The following ME3 variants were observed in gnomAD, a reference collection of about 807,000 sequenced individuals.
ME3 encodes malic enzyme 3.
Under a neutral mutation model 68.9 loss-of-function variants are expected in ME3, and 48 were observed. That is an observed-to-expected ratio of 0.70 (90% CI 0.55 to 0.89). The LOEUF (loss-of-function observed/expected upper bound fraction) is 0.89. Among genes scored for constraint, ME3 ranks in the 40% least tolerant of loss-of-function variants. The pLI, the probability that ME3 is intolerant of heterozygous loss-of-function variation, is 0.00. For synonymous variants in ME3, 320 were observed against 318.8 expected, an observed-to-expected ratio of 1.00 and a Z score of -0.04; for missense variants, 675 against 797.4, an observed-to-expected ratio of 0.85 and a Z score of 1.85.
exon 3 of ME3, chr11:86,559,704 C>T: frequency 6.2e-7 from 1 of 1,613,678 alleles, no homozygotes; most frequent in Admixed American, 1.7e-5. Context: ...CCAGGTCACT[C>T]TGCTGCCGCT....
At chr11:86,658,418 C>G (rs1421841873) in intron 2 of ME3, among the ~76,000 whole-genome samples, 1 of 151,998 alleles carries the variant, frequency 6.6e-6, no homozygotes, top group Non-Finnish European at 1.5e-5. Context: ...CCACTGCACT[C>G]AGCCTGCAAT....
At chr11:86,531,863 T>TA (rs1233798668) in intron 4 of ME3, among the ~76,000 whole-genome samples, 6 of 150,720 alleles carry the variant, frequency 4.0e-5, no homozygotes, top group African/African-American at 1.5e-4. Flanking sequence ...CACTGGGAGA[T>TA]ATACCTAATA....
At chr11:86,656,182 T>A (rs867993866) in intron 2 of ME3, among the ~76,000 whole-genome samples, 100 of 151,578 alleles carry the variant, frequency 6.6e-4, no homozygotes, top group Middle Eastern at 6.8e-3. Context: ...ATTGTGGAAG[T>A]CAGTGTGGCG....
At chr11:86,526,429 T>C (rs777193186) in intron 4 of ME3, among the ~76,000 whole-genome samples, 3 of 152,184 alleles carry the variant, frequency 2.0e-5, no homozygotes, top group Non-Finnish European at 2.9e-5. Flanking sequence ...CTCTGTAGAC[T>C]CCACCTCTCG....
chr11:86,643,508 T>A lies in ME3; in HGVS notation c.183+28254A>T, dbSNP rs1031080979. 9.2e-5 allele frequency among the ~76,000 whole-genome samples: 14 copies of A among 152,178 alleles called. 1 individual carries two copies. The highest frequency in any genetic ancestry group is 2.9e-4 in the African/African-American group (12 of 41,444). On this transcript the variant is annotated intron_variant, in intron 2 of 14. Transcript: ENST00000543262. ...GCCTTGACACACCAAGAAAAAGTAA[T>A]CACCCTTGGAAAGAGGTTACAGCAA...
rs150026515 is a variant in ME3 at position 86,661,273 on chromosome 11, G to A, written c.183+10489C>T. The stretch of plus-strand genomic sequence containing the variant: ...GATGAATGAATTACTGCCATGTGGC[G>A]TTATCGAGGAGGGCATCATAGCAGA... On this transcript the variant is annotated intron_variant, in intron 2 of 14. Transcript: ENST00000543262. Among the ~76,000 whole-genome samples the A allele has an allele frequency of 1.1e-3, 161 of 152,332 alleles. 1 individual carries two copies. Among genetic ancestry groups the A allele is most frequent in the Middle Eastern group, 0.01 (3 of 294 alleles).
intron 4 of ME3, among the ~76,000 whole-genome samples, chr11:86,552,912 G>A (rs1419672509): frequency 6.6e-6 from 1 of 152,164 alleles, no homozygotes; most frequent in African/African-American, 2.4e-5. Flanking sequence ...CTGGTCAACA[G>A]GGATGTGGCC....
chr11:86,449,766 G>A, intron 10 of ME3, 123 bp downstream of exon 10: 1 of 685,830 alleles, frequency 1.5e-6, no homozygotes, highest in Non-Finnish European at 2.5e-6. Flanking sequence ...TGGAGCTTAG[G>A]CCATTGCCCT....
intron 2 of ME3, among the ~76,000 whole-genome samples, chr11:86,647,852 A>T (rs552559109): frequency 6.6e-6 from 1 of 152,310 alleles, no homozygotes; most frequent in African/African-American, 2.4e-5. Context: ...GATCAACGAG[A>T]CATAAAATCA....
At chr11:86,649,734 C>G (rs1945273850) in intron 2 of ME3, among the ~76,000 whole-genome samples, 1 of 152,112 alleles carries the variant, frequency 6.6e-6, no homozygotes, top group Non-Finnish European at 1.5e-5. Flanking sequence ...AATAAAATAC[C>G]TAGGAATACA....
At position 86,560,430 on chromosome 11, in the gene ME3, T is replaced by C. The variant is rs1486410861; in HGVS notation, c.184-607A>G. 2.0e-5 allele frequency among the ~76,000 whole-genome samples: 3 copies of C among 152,170 alleles called. No homozygotes were observed. The East Asian group carries it at 5.8e-4, about 29-fold the overall frequency. ...GAGTCAATTAAGCTTCTTTCATTTATAAATTACCTAGTCTCAGGTAGTATC... is the reference window on the plus strand; with the variant it reads ...GAGTCAATTAAGCTTCTTTCATTTACAAATTACCTAGTCTCAGGTAGTATC... On this transcript the variant is annotated intron_variant, in intron 2 of 14. Coordinates refer to ENST00000543262, the Ensembl canonical transcript of ME3.
intron 8 of ME3, chr11:86,462,452 G>T: frequency 1.7e-6 from 1 of 580,970 alleles, no homozygotes; most frequent in Non-Finnish European, 2.2e-6. Flanking sequence ...TTTTGACTGT[G>T]TGGGGCATTG....
chr11:86,549,969 A>G (rs1956584598), intron 4 of ME3, among the ~76,000 whole-genome samples: 3 of 152,162 alleles, frequency 2.0e-5, no homozygotes, highest in Admixed American at 2.0e-4. Context: ...CGGGATGCAG[A>G]TTATCAACTC....
At chr11:86,531,806 T>A (rs1419166575) in intron 4 of ME3, among the ~76,000 whole-genome samples, 1 of 115,410 alleles carries the variant, frequency 8.7e-6, no homozygotes, top group East Asian at 2.9e-4. Flanking sequence ...AAGGGGAACA[T>A]CACACACCGG....
intron 8 of ME3, chr11:86,462,666 C>T (rs766733582): frequency 4.7e-5 from 54 of 1,153,622 alleles, no homozygotes; most frequent in Middle Eastern, 2.3e-4. Flanking sequence ...GTAGCAGGCG[C>T]GGTGCTGGGA....
chr11:86,608,435 G>A (rs758751653), intron 2 of ME3, among the ~76,000 whole-genome samples: 1 of 152,188 alleles, frequency 6.6e-6, no homozygotes, highest in Non-Finnish European at 1.5e-5. Context: ...AATCGATTCG[G>A]GGAAATGATC....
chr11:86,521,971 C>T (rs367788959), intron 4 of ME3, among the ~76,000 whole-genome samples: 34 of 152,244 alleles, frequency 2.2e-4, no homozygotes, highest in African/African-American at 7.5e-4. Flanking sequence ...GAAAAAAGGC[C>T]GGGCATGGTG....
At chr11:86,586,013 G>A (rs929744338) in intron 2 of ME3, among the ~76,000 whole-genome samples, 3 of 152,156 alleles carry the variant, frequency 2.0e-5, no homozygotes, top group African/African-American at 4.8e-5. Context: ...GAGGTTCTTC[G>A]TAACCCAGTG....
chr11:86,600,494 A>T (rs1334932719), intron 2 of ME3, among the ~76,000 whole-genome samples: 2 of 150,902 alleles, frequency 1.3e-5, no homozygotes, highest in African/African-American at 2.4e-5. Context: ...CTCCCACACA[A>T]TAATAATGGG....
Sources: gnomAD v4.1 joint callset for allele counts (sites outside exome capture counted in the v4.1 genomes callset) on GRCh38, gnomAD v4.1.1 for gene constraint, MANE v1.5 for transcripts, NCBI Gene and HGNC (gene_info 2026-07-23, HGNC 2026-07-21) for gene names.